MIR2052HG: variants seen among roughly 807,000 people sequenced by gnomAD.
The protein encoded by MIR2052HG is MIR2052 host gene.
At chr8:74,656,397 A>G (rs1433549015) in intron 2 of MIR2052HG, among the ~76,000 whole-genome samples, 3 of 152,000 alleles carry the variant, frequency 2.0e-5, no homozygotes, top group Non-Finnish European at 4.4e-5. Flanking sequence ...TGTGGGAGGG[A>G]CACAGTATGA....
intron 5 of MIR2052HG, chr8:74,757,321 C>A (rs1810014942): frequency 6.6e-6 from 1 of 152,224 alleles, no homozygotes; most frequent in East Asian, 1.9e-4. Context: ...TGGCTTCAGA[C>A]AGAGCCTTTG....
chr8:74,710,865 T>C (rs896208947), intron 4 of MIR2052HG, among the ~76,000 whole-genome samples: 4 of 152,138 alleles, frequency 2.6e-5, no homozygotes, highest in South Asian at 4.1e-4. Flanking sequence ...ACCAATAATA[T>C]CAGACAGTTA....
chr8:74,667,917 G>A (rs1808948792), intron 2 of MIR2052HG, among the ~76,000 whole-genome samples: 1 of 151,918 alleles, frequency 6.6e-6, no homozygotes, highest in Non-Finnish European at 1.5e-5. Context: ...TGATTGGTAT[G>A]ACACATTATC....
intron 2 of MIR2052HG, among the ~76,000 whole-genome samples, chr8:74,631,333 A>T (rs1024670265): frequency 6.6e-6 from 1 of 152,232 alleles, no homozygotes. Context: ...TATAGCAGCA[A>T]TGGTTTCTGG....
At chr8:74,683,412 A>G (rs1288310990) in intron 2 of MIR2052HG, among the ~76,000 whole-genome samples, 4 of 152,240 alleles carry the variant, frequency 2.6e-5, no homozygotes, top group East Asian at 1.9e-4. Flanking sequence ...GCTGTAAACT[A>G]TATAATACAG....
intron 5 of MIR2052HG, among the ~76,000 whole-genome samples, chr8:74,755,776 A>G (rs1809993650): frequency 6.6e-6 from 1 of 152,168 alleles, no homozygotes; most frequent in Admixed American, 6.6e-5. Context: ...GAGATAAAAG[A>G]TAATGGAACT....
intron 2 of MIR2052HG, among the ~76,000 whole-genome samples, chr8:74,655,293 G>A (rs78043927): frequency 0.02 from 3,073 of 152,246 alleles, 92 homozygotes; most frequent in African/African-American, 0.069. Context: ...ACAAGGAGCC[G>A]AATGTTAATC....
intron 4 of MIR2052HG, among the ~76,000 whole-genome samples, chr8:74,735,068 A>G (rs564886910): frequency 1.3e-5 from 2 of 152,308 alleles, no homozygotes; most frequent in African/African-American, 4.8e-5. Flanking sequence ...CAGGTCATTT[A>G]TTGGCCTCCC....
At chr8:74,673,540 T>C (rs1173605787) in intron 2 of MIR2052HG, among the ~76,000 whole-genome samples, 1 of 152,016 alleles carries the variant, frequency 6.6e-6, no homozygotes, top group East Asian at 1.9e-4. Flanking sequence ...TGAACTGAAA[T>C]GGAGGTAAAT....
At chr8:74,634,957 CA>C (rs1808563404) in intron 2 of MIR2052HG, among the ~76,000 whole-genome samples, 1 of 151,778 alleles carries the variant, frequency 6.6e-6, no homozygotes, top group Admixed American at 6.6e-5. Context: ...TATTTTTATT[CA>C]AAAGAAGGAA....
intron 4 of MIR2052HG, among the ~76,000 whole-genome samples, chr8:74,740,176 T>C (rs1376756817): frequency 6.6e-6 from 1 of 152,142 alleles, no homozygotes; most frequent in African/African-American, 2.4e-5. Context: ...AACAAAAAAT[T>C]GTTTGGGCTA....
chr8:74,688,615 T>A (rs1809208242), intron 2 of MIR2052HG, among the ~76,000 whole-genome samples: 2 of 152,216 alleles, frequency 1.3e-5, no homozygotes, highest in African/African-American at 2.4e-5. Flanking sequence ...TAAGTACACG[T>A]TTGGAACTTG....
chr8:74,691,059 G>A (rs1007005356), intron 2 of MIR2052HG, among the ~76,000 whole-genome samples: 7 of 152,152 alleles, frequency 4.6e-5, no homozygotes, highest in Admixed American at 4.6e-4. Context: ...ATAACCACAA[G>A]GCAGGAAGAT....
At chr8:74,649,648 T>C (rs926933555) in intron 2 of MIR2052HG, among the ~76,000 whole-genome samples, 2 of 152,162 alleles carry the variant, frequency 1.3e-5, no homozygotes, top group African/African-American at 4.8e-5. Flanking sequence ...TTTTTAAATA[T>C]TTTGTGTTTA....
At chr8:74,702,195 A>C (rs552442655) in intron 2 of MIR2052HG, 43 of 167,368 alleles carry the variant, frequency 2.6e-4, no homozygotes, top group African/African-American at 1.0e-3. Context: ...CAAATGCAAA[A>C]GATTGAAAAT....
intron 2 of MIR2052HG, among the ~76,000 whole-genome samples, chr8:74,655,731 A>G (rs767177739): frequency 6.6e-6 from 1 of 152,106 alleles, no homozygotes; most frequent in Non-Finnish European, 1.5e-5. Flanking sequence ...ATCCCCCCCA[A>G]ACACACATAG....
intron 4 of MIR2052HG, chr8:74,752,320 A>T (rs1429037028): frequency 9.1e-6 from 3 of 328,418 alleles, no homozygotes; most frequent in South Asian, 7.2e-5. Context: ...ATTTTAAGAG[A>T]TTAATTTTCA....
chr8:74,702,780 G>A (rs1300513425), intron 3 of MIR2052HG, among the ~76,000 whole-genome samples: 1 of 152,038 alleles, frequency 6.6e-6, no homozygotes, highest in Non-Finnish European at 1.5e-5. Context: ...GCTAAAATCT[G>A]GATTAAAACA....
chr8:74,653,419 GT>G (rs1808772680), intron 2 of MIR2052HG, among the ~76,000 whole-genome samples: 2 of 152,222 alleles, frequency 1.3e-5, no homozygotes, highest in East Asian at 3.9e-4. Flanking sequence ...TAAGCTTTCT[GT>G]TTTCATTTTC....
Sources: gnomAD v4.1 joint callset for allele counts (sites outside exome capture counted in the v4.1 genomes callset) on GRCh38, gnomAD v4.1.1 for gene constraint, MANE v1.5 for transcripts, NCBI Gene and HGNC (gene_info 2026-07-23, HGNC 2026-07-21) for gene names.